Variants in PI4KA observed in about 807,000 individuals in gnomAD.
PI4KA encodes PI4-kinase alpha.
A neutral mutation model predicts 271.4 loss-of-function variants in PI4KA; 122 were observed. The observed-to-expected ratio is 0.45, with a 90% CI of 0.39 to 0.52. The LOEUF is 0.52. Among genes scored for constraint, PI4KA ranks in the 20% least tolerant of loss-of-function variants. The probability of loss-of-function intolerance (pLI) is 0.00; values close to 1 mark genes in which losing one functional copy is unlikely to be tolerated. For synonymous variants in PI4KA, 1,041 were observed against 1,078.8 expected (o/e 0.96, Z 0.69); for missense variants, 1,969 against 2,769.1 (o/e 0.71, Z 6.48).
intron 1 of PI4KA, among the ~76,000 whole-genome samples, chr22:20,841,031 C>T (rs1925488466): frequency 6.6e-6 from 1 of 152,126 alleles, no homozygotes; most frequent in South Asian, 2.1e-4. Context: ...GTCATAAAGA[C>T]CTTGCTGATA....
chr22:20,804,238 G>T, intron 12 of PI4KA, 62 bp downstream of exon 12: 1 of 1,109,814 alleles, frequency 9.0e-7, no homozygotes, highest in Non-Finnish European at 1.4e-6. Context: ...AACAGCAACA[G>T]CGTGACAAGA....
intron 22 of PI4KA, among the ~76,000 whole-genome samples, chr22:20,763,043 T>C (rs1932160594): frequency 7.7e-6 from 1 of 130,674 alleles, no homozygotes; most frequent in African/African-American, 3.0e-5. Flanking sequence ...TAGAGACAAG[T>C]TCTTGCTCTG....
Position 20,710,765 on chromosome 22 carries a change from C to A in PI4KA, c.6017G>T (p.Gly2006Val), listed in dbSNP as rs760309894. The A allele has an allele frequency of 6.2e-7, 1 of 1,613,888 alleles. No homozygotes were observed. Among genetic ancestry groups the A allele is most frequent in the Non-Finnish European group, 8.5e-7 (1 of 1,179,804 alleles). The change falls in exon 52 of 55, where the codon GGC becomes GTC. Residue 2006 changes from glycine (G) to valine (V), a missense_variant. By Grantham distance (109) the Gly-to-Val change is moderately radical. Coordinates refer to ENST00000255882, the MANE Select transcript of PI4KA (RefSeq NM_058004.4). ...LTDEMVMIMG[G>V]KMEATPFKWF... Reference sequence around the variant, plus strand: ...CTTGAAGGGTGTGGCCTCCATCTTGCCCCCCATGATCATCACCATCTCATC... The same window carrying A: ...CTTGAAGGGTGTGGCCTCCATCTTGACCCCCATGATCATCACCATCTCATC...
chr22:20,721,440 G>A, intron 42 of PI4KA, 22 bp from the exon 43 acceptor site: 1 of 1,612,128 alleles, frequency 6.2e-7, no homozygotes, highest in Non-Finnish European at 8.5e-7. Flanking sequence ...CAAGGTCCCT[G>A]TCAGCCAGGC....
Position 20,744,708 on chromosome 22 carries a change from T to C in PI4KA, c.3376A>G (p.Ser1126Gly). Residue 1126 changes from serine (S) to glycine (G), a missense_variant, in exon 30 of 55, where the codon AGC becomes GGC. Transcript: ENST00000255882. ...QNTTLGATQL[S>G]ERPACVKKDY... ...TTCTTCACACAGGCCGGGCGCTCGC[T>C]CAGCTGAGTTGCCTACAGACAGATA... 6.2e-7 allele frequency: 1 copy of C among 1,613,886 alleles called. No individual in the cohort carries two copies. Among genetic ancestry groups the C allele is most frequent in the Non-Finnish European group, 8.5e-7 (1 of 1,179,744 alleles).
chr22:20,839,336 T>C (rs139949955), intron 1 of PI4KA, among the ~76,000 whole-genome samples: 14 of 152,332 alleles, frequency 9.2e-5, no homozygotes, highest in African/African-American at 3.4e-4. Context: ...GAAACAATTG[T>C]ACACGTGCCC....
intron 19 of PI4KA, among the ~76,000 whole-genome samples, chr22:20,792,055 C>T (rs1274594278): frequency 1.3e-5 from 2 of 151,932 alleles, no homozygotes; most frequent in East Asian, 1.9e-4. Flanking sequence ...TAGCCAAGGT[C>T]GCACCACTGC....
intron 32 of PI4KA, among the ~76,000 whole-genome samples, chr22:20,735,533 A>G (rs1928609669): frequency 6.7e-6 from 1 of 150,170 alleles, no homozygotes; most frequent in East Asian, 2.0e-4. Context: ...GGCCACTCTA[A>G]TGAGCCAGGG....
chr22:20,745,199 C>T (rs1929919266), intron 29 of PI4KA, among the ~76,000 whole-genome samples: 1 of 152,294 alleles, frequency 6.6e-6, no homozygotes, highest in Non-Finnish European at 1.5e-5. Flanking sequence ...AATACAAAGG[C>T]AACCCACAGA....
rs955186293 is a variant in PI4KA at position 20,712,810 on chromosome 22, G to A, written c.5572-13C>T. Reference sequence around the variant, plus strand: ...GGGCCAGCATGTCCTGGGAAGCCGGGAGGCGCAGGATGCGGTCAGTTGGCG... The same window carrying A: ...GGGCCAGCATGTCCTGGGAAGCCGGAAGGCGCAGGATGCGGTCAGTTGGCG... On this transcript the variant is annotated splice_polypyrimidine_tract_variant and intron_variant, in intron 48 of 54. Coordinates refer to ENST00000255882, the MANE Select transcript of PI4KA (RefSeq NM_058004.4). The A allele has an allele frequency of 1.3e-6, 2 of 1,550,474 alleles. No homozygotes were observed. Among genetic ancestry groups the A allele is most frequent in the Non-Finnish European group, 1.7e-6 (2 of 1,147,256 alleles).
chr22:20,733,792 T>C lies in PI4KA; in HGVS notation c.4104A>G (p.Ala1368=), dbSNP rs774674123. 6.8e-6 allele frequency: 11 copies of C among 1,612,808 alleles called. No homozygotes were observed. Among genetic ancestry groups the C allele is most frequent in the Non-Finnish European group, 8.5e-6 (10 of 1,179,828 alleles). ...TCTCGCGAAGCACATTGCGGATGGT[T>C]GCATTTGGAACCACATCGGCATGCA... is the stretch of plus-strand genomic sequence containing the variant. ...SLLHADVVPN[A]TIRNVLREKI... The change falls in exon 35 of 55, where the codon GCA becomes GCG. Residue 1368 remains alanine (A), a synonymous_variant. Transcript: ENST00000255882.
chr22:20,712,350 C>T lies in PI4KA; in HGVS notation c.5802+136G>A, dbSNP rs371203267. ...GATTACAGGTGTGAGCCACCGTGCC[C>T]GGCCCAGGTGCCCTGGTTTTAACCC... On this transcript the variant is annotated intron_variant, in intron 50 of 54. Coordinates refer to ENST00000255882, the MANE Select transcript of PI4KA (RefSeq NM_058004.4). The T allele has an allele frequency of 2.6e-5, 40 of 1,546,220 alleles. No homozygotes were observed. The South Asian group carries it at 2.8e-4, about 11-fold the overall frequency.
intron 32 of PI4KA, among the ~76,000 whole-genome samples, chr22:20,741,555 G>A (rs1050537836): frequency 6.6e-6 from 1 of 151,774 alleles, no homozygotes; most frequent in African/African-American, 2.4e-5. Context: ...TAAAATAGCA[G>A]GCAAATGTGA....
Position 20,782,401 on chromosome 22 carries a change from A to G in PI4KA, c.2328+10792T>C, listed in dbSNP as rs150329343. Among the ~76,000 whole-genome samples the G allele has an allele frequency of 6.7e-3, 1,025 of 152,354 alleles. 12 individuals are homozygous for G. Among genetic ancestry groups the G allele is most frequent in the Non-Finnish European group, 0.01 (710 of 68,034 alleles). On this transcript the variant is annotated intron_variant, in intron 19 of 54. Coordinates refer to ENST00000255882, the MANE Select transcript of PI4KA (RefSeq NM_058004.4). ...TCAATGCCGGGCATCACAAGGGATCAAATGCTAGGAGTACCCAATCATTCA... is the reference window on the plus strand; with the variant it reads ...TCAATGCCGGGCATCACAAGGGATCGAATGCTAGGAGTACCCAATCATTCA...
At position 20,764,850 on chromosome 22, in the gene PI4KA, T is replaced by C. The variant is rs1178682733; in HGVS notation, c.2675A>G (p.Tyr892Cys). ...CTCCAGCCGGTACACAGAGAGGAGG[T>C]AGGTGGACATGGCGAAGTCCAGCTT... ...INKLDFAMST[Y>C]LLSVYRLEYM... is the part of the protein sequence containing the mutation. Residue 892 changes from tyrosine to cysteine, a missense_variant, in exon 22 of 55, where the codon TAC (tyrosine) becomes TGC (cysteine). By Grantham distance (194) the Tyr-to-Cys change is radical. Around this residue, in one of 13 missense-constraint regions of PI4KA, gnomAD observed 368 missense variants for 544.3 expected, o/e 0.68. Coordinates refer to ENST00000255882, the MANE Select transcript of PI4KA (RefSeq NM_058004.4). 4.3e-6 allele frequency: 7 copies of C among 1,613,210 alleles called. No individual in the cohort carries two copies. Among genetic ancestry groups the C allele is most frequent in the East Asian group, 4.5e-5 (2 of 44,878 alleles).
Position 20,756,524 on chromosome 22 carries a change from A to T in PI4KA, c.2792-3344T>A, listed in dbSNP as rs114841241. On this transcript the variant is annotated intron_variant, in intron 23 of 54. Transcript: ENST00000255882. The stretch of plus-strand genomic sequence containing the variant: ...CGTGAGCCACCACACCTGGCCTAGT[A>T]TAATAGTTTTTTCATATAGTTCTTT... Among the ~76,000 whole-genome samples, 1,391 of 151,922 alleles carry T rather than the reference A, an allele frequency of 9.2e-3. 26 individuals are homozygous for T. The highest frequency in any genetic ancestry group is 0.032 in the African/African-American group (1,321 of 41,450).
chr22:20,797,102 T>A (rs1490222761), intron 17 of PI4KA, among the ~76,000 whole-genome samples: 2 of 152,184 alleles, frequency 1.3e-5, no homozygotes, highest in Non-Finnish European at 2.9e-5. Flanking sequence ...AAGCATGTCG[T>A]CTGCTCCACT....
intron 20 of PI4KA, 38 bp downstream of exon 20, chr22:20,765,547 G>C (rs1335721614): frequency 7.3e-7 from 1 of 1,366,952 alleles, no homozygotes; most frequent in East Asian, 2.3e-5. Context: ...CCTTCACTCT[G>C]CACTCCGTCT....
intron 19 of PI4KA, among the ~76,000 whole-genome samples, chr22:20,788,970 G>A (rs968465497): frequency 7.9e-5 from 12 of 152,074 alleles, no homozygotes; most frequent in East Asian, 1.9e-4. Context: ...CTCACCCAGC[G>A]CCCTCTCTGC....
Sources: gnomAD v4.1 joint callset for allele counts (sites outside exome capture counted in the v4.1 genomes callset) on GRCh38, gnomAD v4.1.1 for gene constraint, gnomAD v4.1.1 regional missense constraint, MANE v1.5 for transcripts, NCBI Gene and HGNC (gene_info 2026-07-23, HGNC 2026-07-21) for gene names.